The following DNAJC13 variants were observed in gnomAD, a reference collection of about 807,000 sequenced individuals.
The protein encoded by DNAJC13 is DnaJ heat shock protein family (Hsp40) member C13.
DNAJC13 carries 75 observed loss-of-function variants against 290.5 expected under a neutral mutation model. The observed-to-expected ratio is 0.26, with a 90% CI of 0.21 to 0.31. The LOEUF (loss-of-function observed/expected upper bound fraction) is 0.31, where lower values mean the gene tolerates loss of function less well. Ranked by LOEUF, DNAJC13 falls within the 10% of genes least tolerant of loss-of-function variation. The probability of loss-of-function intolerance (pLI) is 1.00; values close to 1 mark genes in which losing one functional copy is unlikely to be tolerated. For missense variants in DNAJC13, 2,260 were observed against 2,674.5 expected (o/e 0.85, Z 3.42); for synonymous variants, 862 against 892.0 (o/e 0.97, Z 0.60).
chr3:132,499,440 A>G (rs1403418338), intron 37 of DNAJC13, 130 bp downstream of exon 37: 1 of 840,062 alleles, frequency 1.2e-6, no homozygotes, highest in African/African-American at 1.7e-5. Flanking sequence ...AATATTTTCC[A>G]TATTCTTATA....
In DNAJC13 at chr3:132,479,262, C is replaced by G. The variant is rs1053275278; in HGVS notation, c.2745C>G (p.Leu915=). ...TDKLERDRLI[L]FLNKLILNKK... is the part of the protein sequence containing the mutation. Reference sequence around the variant, plus strand: ...AACTTGAACGAGATAGGTTGATTCTCTTCCTTAACAAGTTGATCCTTAATA... The same window carrying G: ...AACTTGAACGAGATAGGTTGATTCTGTTCCTTAACAAGTTGATCCTTAATA... The change falls in exon 25 of 56, where the codon CTC becomes CTG. Residue 915 remains leucine (L), a synonymous_variant. Coordinates refer to ENST00000260818, the MANE Select transcript of DNAJC13 (RefSeq NM_015268.4). 4 of 1,608,056 alleles carry G rather than the reference C, an allele frequency of 2.5e-6. No individual in the cohort carries two copies. The African/African-American group carries it at 4.0e-5, about 16-fold the overall frequency.
rs528706454 is a variant in DNAJC13, at chr3:132,461,389, T to C, written c.1713+184T>C. ...ACATAAAATACACTAACACTAACAA[T>C]ATCTGATGACCTAAAAGAAAAAAAA... On this transcript the variant is annotated intron_variant, in intron 15 of 55. Transcript: ENST00000260818. Among the ~76,000 whole-genome samples the C allele has an allele frequency of 1.3e-4, 19 of 150,818 alleles. No individual in the cohort carries two copies. In the East Asian group the frequency reaches 3.2e-3, roughly 26 times the overall value.
intron 12 of DNAJC13, 36 bp from the exon 13 acceptor site, chr3:132,457,233 G>T: frequency 1.4e-6 from 2 of 1,423,644 alleles, no homozygotes; most frequent in South Asian, 1.2e-5. Flanking sequence ...AAATGTTCTG[G>T]TATTGCTAGT....
At position 132,462,455 on chromosome 3, in the gene DNAJC13, C is replaced by A; in HGVS notation, c.1714-12C>A. The A allele has an allele frequency of 6.2e-7, 1 of 1,605,722 alleles. No homozygotes were observed. The highest frequency in any genetic ancestry group is 1.1e-5 in the South Asian group (1 of 89,040). ...TTTTATTTTTTGATACTTTTTCCCC[C>A]TCACTTTAAAGCATCCTTCCATGGC... On this transcript the variant is annotated splice_polypyrimidine_tract_variant and intron_variant, in intron 15 of 55. Coordinates refer to ENST00000260818, the MANE Select transcript of DNAJC13 (RefSeq NM_015268.4).
intron 36 of DNAJC13, among the ~76,000 whole-genome samples, chr3:132,498,256 A>T (rs1359507183): frequency 3.3e-5 from 5 of 151,398 alleles, no homozygotes; most frequent in African/African-American, 1.2e-4. Flanking sequence ...GGTAAAATAG[A>T]TACCAGTTAT....
At chr3:132,468,623 C>A (rs1359344421) in intron 20 of DNAJC13, among the ~76,000 whole-genome samples, 1 of 152,126 alleles carries the variant, frequency 6.6e-6, no homozygotes, top group Admixed American at 6.5e-5. Context: ...GTTTTTAGAA[C>A]CTTACTTTCC....
At chr3:132,438,340 C>G (rs1939432822) in intron 2 of DNAJC13, among the ~76,000 whole-genome samples, 1 of 152,208 alleles carries the variant, frequency 6.6e-6, no homozygotes, top group Admixed American at 6.5e-5. Flanking sequence ...TTTTATTATA[C>G]TTACCTATTT....
intron 1 of DNAJC13, among the ~76,000 whole-genome samples, chr3:132,425,709 A>G (rs1284759151): frequency 6.6e-6 from 1 of 152,118 alleles, no homozygotes; most frequent in African/African-American, 2.4e-5. Context: ...CGTGCTTTAA[A>G]CAGGTGACTA....
At chr3:132,507,114 G>A (rs1460100844) in intron 42 of DNAJC13, 123 bp from the exon 43 acceptor site, 3 of 612,828 alleles carry the variant, frequency 4.9e-6, no homozygotes, top group Admixed American at 6.2e-5. Context: ...GCTGTGACAT[G>A]TATCACACCA....
rs1333746265 is a variant in DNAJC13, at chr3:132,507,254, T to A, written c.5016T>A (p.Thr1672=). 4 of 1,610,452 alleles carry A rather than the reference T, an allele frequency of 2.5e-6. No individual in the cohort carries two copies. Among genetic ancestry groups the A allele is most frequent in the Admixed American group, 1.7e-5 (1 of 59,796 alleles). Residue 1672 remains threonine, a synonymous_variant, in exon 43 of 56, where the codon ACT becomes ACA. Coordinates refer to ENST00000260818, the MANE Select transcript of DNAJC13 (RefSeq NM_015268.4). The part of the protein sequence containing the change: ...NMIKKGDCDK[T]YGSEFVYSDH... ...TTAAAAAGGGTGATTGTGACAAAAC[T>A]TATGGATCAGAATTTGTCTACAGTG...
chr3:132,433,210 C>T (rs893992352), intron 1 of DNAJC13, among the ~76,000 whole-genome samples: 6 of 152,070 alleles, frequency 3.9e-5, no homozygotes, highest in Non-Finnish European at 2.9e-5. Context: ...TTACTGTGGA[C>T]CTATATCACT....
rs1935933381 is a variant in DNAJC13, at chr3:132,516,797, A to T, written c.5654A>T (p.Asp1885Val). 13 of 1,613,340 alleles carry T rather than the reference A, an allele frequency of 8.1e-6. No homozygotes were observed. The highest frequency in any genetic ancestry group is 8.0e-5 in the African/African-American group (6 of 75,032). Residue 1885 changes from aspartate (D) to valine (V), a missense_variant, in exon 48 of 56, where the codon GAT (aspartate) becomes GTT (valine). Coordinates refer to ENST00000260818, the MANE Select transcript of DNAJC13 (RefSeq NM_015268.4). ...TAELFAKMTA[D>V]KLIGPKVRIT... is the part of the protein sequence containing the mutation. ...GAACTTTTTGCCAAAATGACAGCAGATAAACTGATAGGTCCAAAGGTAGGC... is the reference window on the plus strand; with the variant it reads ...GAACTTTTTGCCAAAATGACAGCAGTTAAACTGATAGGTCCAAAGGTAGGC...
chr3:132,475,210 T>C lies in DNAJC13; in HGVS notation c.2445+125T>C, dbSNP rs541357587. 39 of 631,370 alleles carry C rather than the reference T, an allele frequency of 6.2e-5. 1 individual carries two copies. In the South Asian group the frequency reaches 1.5e-3, roughly 24 times the overall value. The allele number at this position is 631,370 out of a possible 1,614,324, so 39.1% of individuals were successfully genotyped here. ...CTTTACCTTTCCCCCTTTAATGTTA[T>C]GTAGGAAATACTGGAAAACTTTAAT... On this transcript the variant is annotated intron_variant, in intron 22 of 55. Coordinates refer to ENST00000260818, the MANE Select transcript of DNAJC13 (RefSeq NM_015268.4).
Position 132,534,210 on chromosome 3 carries a change from C to T in DNAJC13, c.6625+3113C>T, listed in dbSNP as rs114246529. On this transcript the variant is annotated intron_variant, in intron 55 of 55. Coordinates refer to ENST00000260818, the MANE Select transcript of DNAJC13 (RefSeq NM_015268.4). ...TCCAGAAGGCCATTACTGAAGCCTG[C>T]AGACGTGTCCATGTAGAACAGTCTG... Among the ~76,000 whole-genome samples the T allele has an allele frequency of 2.8e-3, 420 of 152,278 alleles. 3 individuals carry two copies. The highest frequency in any genetic ancestry group is 8.5e-3 in the African/African-American group (353 of 41,568).
intron 42 of DNAJC13, among the ~76,000 whole-genome samples, chr3:132,505,691 C>T (rs1423886236): frequency 2.0e-5 from 3 of 152,122 alleles, no homozygotes; most frequent in Non-Finnish European, 4.4e-5. Context: ...TTCACTTCAG[C>T]CTCTTTTCGC....
chr3:132,462,343 C>A (rs1375881362), intron 15 of DNAJC13, 124 bp from the exon 16 acceptor site: 2 of 827,094 alleles, frequency 2.4e-6, no homozygotes, highest in Non-Finnish European at 3.8e-6. Context: ...TGAGATGTAT[C>A]CTTTACTAAT....
At chr3:132,481,255 TA>T (rs1230900683) in intron 26 of DNAJC13, among the ~76,000 whole-genome samples, 2 of 152,164 alleles carry the variant, frequency 1.3e-5, no homozygotes, top group Admixed American at 1.3e-4. Context: ...TGGCAGTATT[TA>T]AAAACATGTT....
chr3:132,528,206 G>T lies in DNAJC13; in HGVS notation c.6399G>T (p.Leu2133Phe). 1 of 1,614,014 alleles carries T rather than the reference G, an allele frequency of 6.2e-7. No homozygotes were observed. Among genetic ancestry groups the T allele is most frequent in the South Asian group, 1.1e-5 (1 of 91,068 alleles). The change falls in exon 54 of 56, where the codon TTG becomes TTT. Residue 2133 changes from leucine (L) to phenylalanine (F), a missense_variant. Transcript: ENST00000260818. ...TCTTCTAGGCCCTGAAAGCAGATTTGGTTCCATACCTCTTAAAATTACTCG... is the reference window on the plus strand; with the variant it reads ...TCTTCTAGGCCCTGAAAGCAGATTTTGTTCCATACCTCTTAAAATTACTCG... Reference protein sequence around the residue: ...ELVAQALKADLVPYLLKLLEG... With the variant: ...ELVAQALKADFVPYLLKLLEG...
At chr3:132,424,357 C>T (rs537446516) in intron 1 of DNAJC13, among the ~76,000 whole-genome samples, 1 of 152,176 alleles carries the variant, frequency 6.6e-6, no homozygotes, top group African/African-American at 2.4e-5. Flanking sequence ...ATAGAAGAGA[C>T]AGGTCTCTTT....
Sources: gnomAD v4.1 joint callset for allele counts (sites outside exome capture counted in the v4.1 genomes callset) on GRCh38, gnomAD v4.1.1 for gene constraint, MANE v1.5 for transcripts, NCBI Gene and HGNC (gene_info 2026-07-23, HGNC 2026-07-21) for gene names.